MTMR12: variants seen among roughly 807,000 people sequenced by gnomAD.
MTMR12 encodes myotubularin related protein 12, also known as myotubularin-related protein 12.
A neutral mutation model predicts 96.7 loss-of-function variants in MTMR12; 33 were observed. The ratio of observed to expected loss-of-function variants is 0.34; its 90% CI spans 0.26 to 0.46. MTMR12 has a LOEUF of 0.46. Ranked by LOEUF, MTMR12 falls within the 20% of genes least tolerant of loss-of-function variation. MTMR12 has a pLI of 1.00. For missense variants in MTMR12, 721 were observed against 896.1 expected (o/e 0.80, Z 2.49); for synonymous variants, 298 against 327.2 (o/e 0.91, Z 0.96).
At chr5:32,259,977 A>G (rs1021403527) in intron 7 of MTMR12, among the ~76,000 whole-genome samples, 1 of 146,978 alleles carries the variant, frequency 6.8e-6, no homozygotes. Context: ...CGGAGGTTGC[A>G]GTGAGCCGAG....
chr5:32,312,451 C>G lies in MTMR12; in HGVS notation c.81+307G>C, dbSNP rs2111565233. Among the ~76,000 whole-genome samples, 1 of 152,350 alleles carries G rather than the reference C, an allele frequency of 6.6e-6. No homozygotes were observed. The highest frequency in any genetic ancestry group is 1.9e-4 in the East Asian group (1 of 5,174). ...TACCCCTCCCAGCAGTGCCCACAAC[C>G]CCAGGTCCTCTCCAGAATCCCCAGG... On this transcript the variant is annotated intron_variant, in intron 1 of 15. Transcript: ENST00000382142. This position sits in a 1 kb window ranked among gnomAD's most constrained non-coding sequence, Gnocchi z 5.0.
At position 32,247,171 on chromosome 5, in the gene MTMR12, G is replaced by A. The variant is rs77203720; in HGVS notation, c.1021+831C>T. On this transcript the variant is annotated intron_variant, in intron 10 of 15. Coordinates refer to ENST00000382142, the MANE Select transcript of MTMR12 (RefSeq NM_001040446.3). ...TCAAGATCAGTCTGGGCAACATGAT[G>A]GGACTCTGTCTCTACAAAAAATGCA... Among the ~76,000 whole-genome samples the A allele has an allele frequency of 7.5e-3, 1,147 of 152,210 alleles. 19 individuals carry two copies. The highest frequency in any genetic ancestry group is 0.027 in the African/African-American group (1,113 of 41,534).
chr5:32,292,564 A>G (rs1750775002), intron 1 of MTMR12, among the ~76,000 whole-genome samples: 1 of 152,252 alleles, frequency 6.6e-6, no homozygotes. Flanking sequence ...CTGGACTATC[A>G]AAATGAAAAC....
chr5:32,233,132 T>A lies in MTMR12; in HGVS notation c.1674+641A>T, dbSNP rs989119915. 4.3e-6 allele frequency: 2 copies of A among 468,790 alleles called. No individual in the cohort carries two copies. The highest frequency in any genetic ancestry group is 1.3e-4 in the Admixed American group (2 of 15,600). The allele number at this position is 468,790 out of a possible 1,614,324, so 29.0% of individuals were successfully genotyped here. ...CATAGGTCAGCAAACTGGCCACCCC[T>A]CCGGCCAAATCTGGCCTGGCGCCTG... On this transcript the variant is annotated intron_variant, in intron 15 of 15. Coordinates refer to ENST00000382142, the MANE Select transcript of MTMR12 (RefSeq NM_001040446.3). The surrounding 1 kb of genome is among the most constrained non-coding windows in gnomAD (Gnocchi z 5.0).
intron 1 of MTMR12, among the ~76,000 whole-genome samples, chr5:32,309,946 C>G: frequency 6.6e-6 from 1 of 152,132 alleles, no homozygotes; most frequent in East Asian, 1.9e-4. Flanking sequence ...GAGAACAGTA[C>G]GGAGGTTCCT....
chr5:32,246,345 C>CA (rs1300744331), intron 10 of MTMR12, among the ~76,000 whole-genome samples: 1 of 151,986 alleles, frequency 6.6e-6, no homozygotes, highest in Admixed American at 6.6e-5. Context: ...GTATTTTTAG[C>CA]AGAGATGGGT....
chr5:32,245,358 T>C (rs965168495), intron 10 of MTMR12, among the ~76,000 whole-genome samples: 3 of 152,134 alleles, frequency 2.0e-5, no homozygotes, highest in Non-Finnish European at 4.4e-5. Flanking sequence ...TTTTTAAGAT[T>C]AGAAAATGAA....
Position 32,233,957 on chromosome 5 carries a change from TG to T in MTMR12, c.1513-24del, listed in dbSNP as rs1210172199. 1 of 1,613,746 alleles carries T rather than the reference TG, an allele frequency of 6.2e-7. No individual in the cohort carries two copies. Among genetic ancestry groups the T allele is most frequent in the East Asian group, 2.2e-5 (1 of 44,862 alleles). On this transcript the variant is annotated intron_variant, in intron 14 of 15. Transcript: ENST00000382142. The surrounding 1 kb of genome is among the most constrained non-coding windows in gnomAD (Gnocchi z 5.0). ...ACCCTGCCAAAACAAGCACAGGTCATGCTGTTTTCCAGGGAGGGCTGAGGAA... is the reference window on the plus strand; with the variant it reads ...ACCCTGCCAAAACAAGCACAGGTCATCTGTTTTCCAGGGAGGGCTGAGGAA...
At chr5:32,270,482 G>A (rs928012587) in intron 5 of MTMR12, among the ~76,000 whole-genome samples, 4 of 152,192 alleles carry the variant, frequency 2.6e-5, no homozygotes, top group Non-Finnish European at 4.4e-5. Flanking sequence ...ACTGTCAGAG[G>A]TGGGAGAATA....
At chr5:32,305,967 C>A (rs1047240434) in intron 1 of MTMR12, among the ~76,000 whole-genome samples, 2 of 151,638 alleles carry the variant, frequency 1.3e-5, no homozygotes, top group Non-Finnish European at 2.9e-5. Context: ...CTAATTAATT[C>A]TATCTTTCAA....
chr5:32,280,708 T>C (rs1041840142), intron 1 of MTMR12, among the ~76,000 whole-genome samples: 2 of 152,228 alleles, frequency 1.3e-5, no homozygotes, highest in African/African-American at 4.8e-5. Flanking sequence ...AGTCCAAATA[T>C]GGCTCTGGCA....
chr5:32,271,769 T>G (rs1749842572), intron 4 of MTMR12, 64 bp downstream of exon 4: 1 of 934,670 alleles, frequency 1.1e-6, no homozygotes, highest in Non-Finnish European at 1.5e-6. Flanking sequence ...CATAAAAATA[T>G]TATTATCATT....
chr5:32,300,774 G>A (rs1751111314), intron 1 of MTMR12, among the ~76,000 whole-genome samples: 1 of 152,186 alleles, frequency 6.6e-6, no homozygotes, highest in Admixed American at 6.5e-5. Context: ...ACGTAAAGCT[G>A]CATAAAGAGA....
intron 1 of MTMR12, among the ~76,000 whole-genome samples, chr5:32,290,961 AC>A (rs1315855367): frequency 1.3e-5 from 2 of 152,218 alleles, no homozygotes; most frequent in Non-Finnish European, 2.9e-5. Context: ...GCACTTTCTG[AC>A]CATCTAGCCA....
chr5:32,310,490 T>A (rs999399104), intron 1 of MTMR12, among the ~76,000 whole-genome samples: 7 of 152,222 alleles, frequency 4.6e-5, no homozygotes, highest in African/African-American at 1.7e-4. Flanking sequence ...TAAGATCCTG[T>A]CATTTGTAAC....
chr5:32,303,860 A>C (rs1479285604), intron 1 of MTMR12, among the ~76,000 whole-genome samples: 1 of 151,508 alleles, frequency 6.6e-6, no homozygotes, highest in Non-Finnish European at 1.5e-5. Flanking sequence ...AAAAAAAAAA[A>C]AAAAAAAAAA....
intron 1 of MTMR12, among the ~76,000 whole-genome samples, chr5:32,286,768 A>G (rs1374044435): frequency 6.6e-6 from 1 of 152,192 alleles, no homozygotes. Flanking sequence ...TTACCTGACA[A>G]GGGTTTATCT....
At chr5:32,274,311 C>A (rs971761960) in intron 2 of MTMR12, among the ~76,000 whole-genome samples, 189 bp from the exon 3 acceptor site, 1 of 152,128 alleles carries the variant, frequency 6.6e-6, no homozygotes, top group African/African-American at 2.4e-5. Flanking sequence ...AGAGTGGAAA[C>A]CACCAAGAAG....
chr5:32,254,377 C>A (rs75107654), intron 8 of MTMR12, among the ~76,000 whole-genome samples: 4,763 of 152,236 alleles, frequency 0.031, 250 homozygotes, highest in African/African-American at 0.11. Flanking sequence ...CCCAACTGTA[C>A]TGATGCTCAC....
Sources: gnomAD v4.1 joint callset for allele counts (sites outside exome capture counted in the v4.1 genomes callset) on GRCh38, gnomAD v4.1.1 for gene constraint, Gnocchi (gnomAD v3.1) non-coding constraint, MANE v1.5 for transcripts, NCBI Gene and HGNC (gene_info 2026-07-23, HGNC 2026-07-21) for gene names.